C4orf50: variants seen among roughly 807,000 people sequenced by gnomAD.
The protein encoded by C4orf50 is chromosome 4 open reading frame 50.
Under a neutral mutation model 77.2 loss-of-function variants are expected in C4orf50, and 80 were observed. The observed-to-expected ratio is 1.04, with a 90% CI of 0.87 to 1.25. C4orf50 has a LOEUF of 1.25. C4orf50 is among the 50% of genes most tolerant of loss of function. The pLI is 0.00. For missense variants in C4orf50, 1,257 were observed against 1,152.9 expected (o/e 1.09, Z -1.31); for synonymous variants, 532 against 465.3 (o/e 1.14, Z -1.84).
At chr4:5,946,411 C>T (rs932146470) in intron 7 of C4orf50, among the ~76,000 whole-genome samples, 2 of 150,648 alleles carry the variant, frequency 1.3e-5, no homozygotes, top group African/African-American at 4.8e-5. Flanking sequence ...TTCAAAGTTT[C>T]CCTTCTCGTT....
rs1221248211 is a variant in C4orf50, at chr4:5,990,599, G to A, written c.1447C>T (p.Gln483Ter). The stretch of plus-strand genomic sequence containing the variant: ...TTTTGTCCATCTGAGGGAACCTCCT[G>A]GAGCAGCAGTGGTCGCCAAGAAGCG... The change falls in exon 28 of 34, where the codon CAG becomes TAG. Residue 483 changes from glutamine (Q) to a stop codon, truncating the protein, a stop_gained. Coordinates refer to ENST00000531445, the Ensembl canonical transcript of C4orf50. LOFTEE classifies it high-confidence loss of function. 5 of 399,018 alleles carry A rather than the reference G, an allele frequency of 1.3e-5. No homozygotes were observed. Among genetic ancestry groups the A allele is most frequent in the Non-Finnish European group, 2.2e-5 (5 of 226,134 alleles). 24.7% of individuals were successfully genotyped at this position (399,018 alleles called of 1,614,324 possible).
At chr4:5,976,228 G>A (rs1047842257) in intron 29 of C4orf50, among the ~76,000 whole-genome samples, 2 of 151,778 alleles carry the variant, frequency 1.3e-5, no homozygotes, top group Non-Finnish European at 2.9e-5. Context: ...GGCGGATCAC[G>A]AGGTCAGGAG....
At chr4:5,968,854 C>A (rs544193392) in intron 31 of C4orf50, among the ~76,000 whole-genome samples, 1 of 152,120 alleles carries the variant, frequency 6.6e-6, no homozygotes, top group Non-Finnish European at 1.5e-5. Flanking sequence ...TAGCCTCAAG[C>A]GCACTCAACT....
At chr4:5,962,574 T>C (rs6446413) in intron 33 of C4orf50, among the ~76,000 whole-genome samples, 131,728 of 152,286 alleles carry the variant, frequency 0.87, 57,319 homozygotes, top group East Asian at 0.98. Flanking sequence ...TCCTCTCCTC[T>C]CAACCCCGCC....
intron 7 of C4orf50, among the ~76,000 whole-genome samples, chr4:5,942,746 C>A (rs948936172): frequency 1.3e-5 from 2 of 152,178 alleles, no homozygotes; most frequent in Non-Finnish European, 2.9e-5. Flanking sequence ...ATTCCAGAAT[C>A]CATTATCTTA....
At chr4:6,003,587 G>C (rs1011317735) in intron 25 of C4orf50, among the ~76,000 whole-genome samples, 136 of 140,524 alleles carry the variant, frequency 9.7e-4, no homozygotes, top group Non-Finnish European at 1.2e-3. Flanking sequence ...ATGTGATGGT[G>C]ATGTTGATGG....
exon 28 of C4orf50, chr4:5,989,991 G>A: frequency 7.1e-7 from 1 of 1,405,006 alleles, no homozygotes; most frequent in Non-Finnish European, 9.2e-7. Flanking sequence ...GGAGCTGACT[G>A]TCTGTTGGCC....
chr4:5,998,897 C>T (rs886542457), intron 25 of C4orf50, among the ~76,000 whole-genome samples: 1 of 152,240 alleles, frequency 6.6e-6, no homozygotes. Flanking sequence ...GTTCTTACTT[C>T]CTTTTACCCT....
intron 7 of C4orf50, among the ~76,000 whole-genome samples, chr4:5,931,346 G>A (rs139316641): frequency 6.6e-5 from 10 of 150,678 alleles, no homozygotes; most frequent in African/African-American, 2.4e-4. Context: ...TAGGAGTGGT[G>A]TTGGTTTCCC....
At chr4:5,922,533 A>G (rs1025023966) in intron 7 of C4orf50, among the ~76,000 whole-genome samples, 20 of 152,034 alleles carry the variant, frequency 1.3e-4, no homozygotes, top group Non-Finnish European at 2.9e-5. Flanking sequence ...GGGGAATTGG[A>G]CCCACGGGAA....
chr4:5,964,194 G>C (rs1219039242), intron 33 of C4orf50, among the ~76,000 whole-genome samples: 1 of 152,196 alleles, frequency 6.6e-6, no homozygotes, highest in Non-Finnish European at 1.5e-5. Context: ...GAAGGAGCCA[G>C]CTGAGAGGGT....
At chr4:5,978,656 T>C (rs1720411442) in intron 29 of C4orf50, among the ~76,000 whole-genome samples, 1 of 152,200 alleles carries the variant, frequency 6.6e-6, no homozygotes, top group East Asian at 1.9e-4. Flanking sequence ...GGCATGGAAG[T>C]GGATACCACT....
At chr4:5,983,509 T>C (rs1720710344) in intron 28 of C4orf50, among the ~76,000 whole-genome samples, 1 of 152,196 alleles carries the variant, frequency 6.6e-6, no homozygotes, top group South Asian at 2.1e-4. Context: ...ACCTTCGAAG[T>C]CTCAGCTCAA....
intron 33 of C4orf50, among the ~76,000 whole-genome samples, chr4:5,962,586 C>G (rs1719330109): frequency 6.6e-6 from 1 of 152,230 alleles, no homozygotes; most frequent in African/African-American, 2.4e-5. Flanking sequence ...AACCCCGCCC[C>G]CATCCAGGCC....
chr4:5,899,155 C>T (rs192404212), intron 7 of C4orf50: 27 of 152,348 alleles, frequency 1.8e-4, no homozygotes, highest in African/African-American at 6.5e-4. Context: ...TCCTTCTACA[C>T]CACCTTAAGG....
intron 7 of C4orf50, among the ~76,000 whole-genome samples, chr4:5,923,552 G>A (rs971294274): frequency 1.3e-5 from 2 of 152,020 alleles, no homozygotes; most frequent in Non-Finnish European, 2.9e-5. Flanking sequence ...TAGAAAGGAG[G>A]CAGAACCCAC....
In C4orf50 at chr4:5,936,562, C is replaced by CAAAA. The variant is rs374200584; in HGVS notation, c.*2474+20335_*2474+20338dup. ...GGGCAACAATGGCAAGACGCCATCT[C>CAAAA]AAAAAAAAAAAAAAAAAAAAAGAAA... On this transcript the variant is annotated intron_variant, in intron 7 of 7. Transcript: ENST00000324058. Among the ~76,000 whole-genome samples, 742 of 74,620 alleles carry CAAAA rather than the reference C, an allele frequency of 9.9e-3. 24 individuals carry two copies. The highest frequency in any genetic ancestry group is 0.059 in the East Asian group (110 of 1,876). 49.0% of individuals were successfully genotyped at this position (74,620 alleles called of 152,430 possible).
At position 5,975,139 on chromosome 4, in the gene C4orf50, C is replaced by CAAAA. The variant is rs763836859; in HGVS notation, c.3921+756_3921+759dup. ...TGGGCGACAGAGTGACACTCCATCTCAAAAAAAAAAAAAAAAAAAAAAAAA... is the reference window on the plus strand; with the variant it reads ...TGGGCGACAGAGTGACACTCCATCTCAAAAAAAAAAAAAAAAAAAAAAAAAAAAA... On this transcript the variant is annotated intron_variant, in intron 30 of 33. Transcript: ENST00000531445. 1.2e-4 allele frequency among the ~76,000 whole-genome samples: 10 copies of CAAAA among 82,870 alleles called. 1 individual carries two copies. The highest frequency in any genetic ancestry group is 6.8e-4 in the Admixed American group (4 of 5,894). 54.4% of individuals were successfully genotyped at this position (82,870 alleles called of 152,430 possible).
In C4orf50 at chr4:6,018,392, T is replaced by C. The variant is rs969092589; in HGVS notation, c.40A>G (p.Ser14Gly). ...CTGCTGGGGGCTCTGATGACGTAGC[T>C]GAAACTCTCCTCAGTCCGTCCCTTG... The change falls in exon 23 of 34, where the codon AGC becomes GGC. Residue 14 changes from serine (S) to glycine (G), a missense_variant. Physicochemically the swap from Ser to Gly is moderately conservative, Grantham distance 56. Coordinates refer to ENST00000531445, the Ensembl canonical transcript of C4orf50. This position sits in a 1 kb window ranked among gnomAD's most constrained non-coding sequence, Gnocchi z 5.1. 5.0e-6 allele frequency: 2 copies of C among 398,966 alleles called. No individual in the cohort carries two copies. The highest frequency in any genetic ancestry group is 4.1e-5 in the African/African-American group (2 of 48,648). The allele number at this position is 398,966 out of a possible 1,614,324, so 24.7% of individuals were successfully genotyped here.
Sources: gnomAD v4.1 joint callset for allele counts (sites outside exome capture counted in the v4.1 genomes callset) on GRCh38, gnomAD v4.1.1 for gene constraint, Gnocchi (gnomAD v3.1) non-coding constraint, MANE v1.5 for transcripts, NCBI Gene and HGNC (gene_info 2026-07-23, HGNC 2026-07-21) for gene names.